Variants in PLA2G4C observed in about 807,000 individuals in gnomAD.
PLA2G4C encodes the protein cytosolic phospholipase A2 gamma.
A neutral mutation model predicts 73.8 loss-of-function variants in PLA2G4C; 64 were observed. The ratio of observed to expected loss-of-function variants is 0.87; its 90% CI spans 0.71 to 1.07. The LOEUF (loss-of-function observed/expected upper bound fraction) is 1.07. Ranked by LOEUF, PLA2G4C falls within the 50% of genes least tolerant of loss-of-function variation. The probability of loss-of-function intolerance (pLI) is 0.00; values close to 1 mark genes in which losing one functional copy is unlikely to be tolerated. For missense variants in PLA2G4C, 622 were observed against 665.4 expected, an observed-to-expected ratio of 0.93 and a Z score of 0.72; for synonymous variants, 254 against 252.1, an observed-to-expected ratio of 1.01 and a Z score of -0.07.
At chr19:48,090,079 C>A in intron 8 of PLA2G4C, 2 of 399,658 alleles carry the variant, frequency 5.0e-6, no homozygotes, top group Middle Eastern at 5.6e-4. Context: ...TATTATCACC[C>A]GCATGGCACA....
At chr19:48,050,322 C>T (rs566355348) in intron 16 of PLA2G4C, among the ~76,000 whole-genome samples, 1 of 152,272 alleles carries the variant, frequency 6.6e-6, no homozygotes, top group Admixed American at 6.5e-5. Context: ...CCAGGCAGGG[C>T]TTTTGGGGAA....
chr19:48,088,053 C>T (rs1449389407), intron 9 of PLA2G4C, among the ~76,000 whole-genome samples: 1 of 152,100 alleles, frequency 6.6e-6, no homozygotes, highest in Non-Finnish European at 1.5e-5. Context: ...GTTTTGGCCA[C>T]AATCACTTCC....
intron 16 of PLA2G4C, 159 bp downstream of exon 16, chr19:48,052,838 T>C: frequency 1.5e-6 from 1 of 670,484 alleles, no homozygotes; most frequent in Non-Finnish European, 2.4e-6. Context: ...CCTGACCCTG[T>C]TCATGGTCTG....
intron 14 of PLA2G4C, among the ~76,000 whole-genome samples, chr19:48,057,776 C>A (rs1422770557): frequency 6.6e-6 from 1 of 151,010 alleles, no homozygotes; most frequent in Non-Finnish European, 1.5e-5. Flanking sequence ...AGGTGTGAGC[C>A]ACCGCACCCG....
At chr19:48,060,959 T>C (rs7247328) in intron 14 of PLA2G4C, among the ~76,000 whole-genome samples, 84,275 of 151,898 alleles carry the variant, frequency 0.55, 26,471 homozygotes, top group East Asian at 0.77. Context: ...TTGGTATGTA[T>C]CATGTAATAG....
Position 48,104,622 on chromosome 19 carries a change from C to T in PLA2G4C, c.223G>A (p.Val75Ile), listed in dbSNP as rs149438480. ...CCAGAGACCCCTGCGAGGTACGTGA[C>T]GGCATCCAACAGGCCCTGTTCTTTC... is the stretch of plus-strand genomic sequence containing the variant. ...EMKEQGLLDA[V>I]TYLAGVSGST... Residue 75 changes from valine (V) to isoleucine (I), a missense_variant, in exon 4 of 17, where the codon GTC becomes ATC. Val to Ile is a conservative substitution (Grantham distance 29). Transcript: ENST00000599921. 8.9e-5 allele frequency: 143 copies of T among 1,613,956 alleles called. No homozygotes were observed. The highest frequency in any genetic ancestry group is 1.0e-4 in the Non-Finnish European group (122 of 1,179,968).
chr19:48,104,485 C>T (rs1022760623), intron 4 of PLA2G4C, 103 bp downstream of exon 4: 7 of 1,138,494 alleles, frequency 6.1e-6, no homozygotes, highest in Non-Finnish European at 6.5e-6. Context: ...CCAGAGAGCT[C>T]GAGAAGCAGC....
rs777636690 is a variant in PLA2G4C, at chr19:48,053,024, ATCT to A, written c.1550_1552del (p.Lys517del). ...GGCCACGTTCATCAACTCTCTAAGG[ATCT>A]TCTTCTTGTTTTCCCTGACATTCTT... On this transcript the variant is annotated inframe_deletion, in exon 16 of 17. Coordinates refer to ENST00000599921, the MANE Select transcript of PLA2G4C (RefSeq NM_003706.3). The A allele has an allele frequency of 4.0e-5, 64 of 1,612,998 alleles. 1 individual carries two copies. The highest frequency in any genetic ancestry group is 3.7e-4 in the South Asian group (34 of 90,966).
At position 48,072,133 on chromosome 19, in the gene PLA2G4C, G is replaced by A. The variant is rs1381071876; in HGVS notation, c.1006+2634C>T. ...CGCACTCCAGCTTGGGTGACAGAGC[G>A]AGACTCCATCTCAAACAAACAAACA... is the stretch of plus-strand genomic sequence containing the variant. On this transcript the variant is annotated intron_variant, in intron 12 of 16. Coordinates refer to ENST00000599921, the MANE Select transcript of PLA2G4C (RefSeq NM_003706.3). The surrounding 1 kb of genome is among the most constrained non-coding windows in gnomAD (Gnocchi z 4.4). 2.0e-5 allele frequency among the ~76,000 whole-genome samples: 3 copies of A among 152,020 alleles called. No individual in the cohort carries two copies. Among genetic ancestry groups the A allele is most frequent in the African/African-American group, 4.8e-5 (2 of 41,394 alleles).
At chr19:48,110,114 G>A (rs573492425) in intron 1 of PLA2G4C, among the ~76,000 whole-genome samples, 2 of 151,512 alleles carry the variant, frequency 1.3e-5, no homozygotes, top group South Asian at 4.2e-4. Context: ...TTGGAAGGCC[G>A]AGTGGGGTGG....
intron 10 of PLA2G4C, among the ~76,000 whole-genome samples, chr19:48,081,294 C>T (rs963989488): frequency 1.3e-5 from 2 of 152,140 alleles, no homozygotes; most frequent in Non-Finnish European, 2.9e-5. Flanking sequence ...TTTGCAGAAA[C>T]TTGGATGGAG....
chr19:48,110,655 G>T lies in PLA2G4C; in HGVS notation c.-201C>A. The stretch of plus-strand genomic sequence containing the variant: ...GGATCCTCGGTGCCAAAGCTTCTGT[G>T]GTCCTCCTGCTTTCCTTTTCCCCCT... On this transcript the variant is annotated 5_prime_UTR_variant, in exon 1 of 17. Coordinates refer to ENST00000599921, the MANE Select transcript of PLA2G4C (RefSeq NM_003706.3). 1 of 618,632 alleles carries T rather than the reference G, an allele frequency of 1.6e-6. No individual in the cohort carries two copies. Among genetic ancestry groups the T allele is most frequent in the Non-Finnish European group, 2.6e-6 (1 of 383,864 alleles). The allele number at this position is 618,632 out of a possible 1,614,324, so 38.3% of individuals were successfully genotyped here.
chr19:48,061,918 G>A (rs1189272048), intron 14 of PLA2G4C, 80 bp downstream of exon 14: 37 of 1,437,316 alleles, frequency 2.6e-5, no homozygotes, highest in Admixed American at 3.5e-5. Context: ...CCCAGCCCGC[G>A]TCCTCAGTTC....
In PLA2G4C at chr19:48,100,180, G is replaced by A. The variant is rs1030896307; in HGVS notation, c.258-320C>T. 2.0e-5 allele frequency among the ~76,000 whole-genome samples: 3 copies of A among 152,134 alleles called. No individual in the cohort carries two copies. The South Asian group carries it at 6.2e-4, about 32-fold the overall frequency. On this transcript the variant is annotated intron_variant, in intron 4 of 16. Coordinates refer to ENST00000599921, the MANE Select transcript of PLA2G4C (RefSeq NM_003706.3). ...GGTTTATATGTGACAGCAACAAACT[G>A]TCTTTAGTCTTTTATACCTATTAAC...
At chr19:48,062,579 C>T (rs1043446941) in intron 13 of PLA2G4C, among the ~76,000 whole-genome samples, 1 of 152,194 alleles carries the variant, frequency 6.6e-6, no homozygotes, top group Admixed American at 6.5e-5. Context: ...CACTGCACTC[C>T]AGCCTGGGTG....
At chr19:48,098,752 A>AAAAAAAT (rs2031744233) in intron 5 of PLA2G4C, among the ~76,000 whole-genome samples, 1 of 117,240 alleles carries the variant, frequency 8.5e-6, no homozygotes, top group African/African-American at 3.3e-5. Flanking sequence ...AAAAAAAAAA[A>AAAAAAAT]TTTGTCAGGC....
intron 15 of PLA2G4C, among the ~76,000 whole-genome samples, chr19:48,053,608 G>C (rs1967814611): frequency 6.6e-6 from 1 of 152,100 alleles, no homozygotes; most frequent in South Asian, 2.1e-4. Flanking sequence ...CTGATCTCAG[G>C]TGATCTGCCC....
At chr19:48,082,958 C>T (rs1274345190) in intron 10 of PLA2G4C, among the ~76,000 whole-genome samples, 6 of 151,342 alleles carry the variant, frequency 4.0e-5, no homozygotes, top group African/African-American at 7.3e-5. Context: ...GGACTACAGG[C>T]GCCCGCCACT....
chr19:48,101,126 A>ATTTTT (rs544287174), intron 4 of PLA2G4C, among the ~76,000 whole-genome samples: 110 of 74,120 alleles, frequency 1.5e-3, no homozygotes, highest in African/African-American at 6.7e-3. Context: ...ATATATATAT[A>ATTTTT]TTTTTTTTTT....
Sources: allele counts gnomAD v4.1 joint callset (sites outside exome capture counted in the v4.1 genomes callset), GRCh38; gene constraint gnomAD v4.1.1; non-coding constraint Gnocchi (gnomAD v3.1); transcripts MANE v1.5; gene names NCBI Gene and HGNC (gene_info 2026-07-23, HGNC 2026-07-21).